Variants in ARHGAP31 observed in about 807,000 individuals in gnomAD.
The protein encoded by ARHGAP31 is rho GTPase-activating protein 31.
A neutral mutation model predicts 113.9 loss-of-function variants in ARHGAP31; 34 were observed. The ratio of observed to expected loss-of-function variants is 0.30; its 90% CI spans 0.23 to 0.40. The LOEUF (loss-of-function observed/expected upper bound fraction) is 0.40, where lower values mean the gene tolerates loss of function less well. ARHGAP31 is among the 10% of genes least tolerant of loss of function. The probability of loss-of-function intolerance (pLI) is 1.00; values close to 1 mark genes in which losing one functional copy is unlikely to be tolerated. For synonymous variants in ARHGAP31, 650 were observed against 684.8 expected, an observed-to-expected ratio of 0.95 and a Z score of 0.79; for missense variants, 1,548 against 1,767.1, an observed-to-expected ratio of 0.88 and a Z score of 2.22.
chr3:119,333,010 T>C (rs1376174888), intron 1 of ARHGAP31, among the ~76,000 whole-genome samples: 1 of 152,234 alleles, frequency 6.6e-6, no homozygotes, highest in African/African-American at 2.4e-5. Context: ...GCTAAATAAC[T>C]TGCCTAAAGT....
rs2080769904 is a variant in ARHGAP31, at chr3:119,415,722, C to G, written c.3793C>G (p.Gln1265Glu). Reference protein sequence around the residue: ...LESSKEEKPKQDPGAIKSSPV... With the variant: ...LESSKEEKPKEDPGAIKSSPV... ...AAGCTCAAAGGAAGAAAAACCAAAG[C>G]AAGATCCCGGAGCCATTAAGTCCTC... is the stretch of plus-strand genomic sequence containing the variant. The change falls in exon 12 of 12, where the codon CAA becomes GAA. Residue 1265 changes from glutamine to glutamate, a missense_variant. Transcript: ENST00000264245. The G allele has an allele frequency of 6.2e-7, 1 of 1,613,998 alleles. No homozygotes were observed. The highest frequency in any genetic ancestry group is 1.1e-5 in the South Asian group (1 of 91,076).
chr3:119,330,011 C>T (rs1357072539), intron 1 of ARHGAP31: 4 of 985,278 alleles, frequency 4.1e-6, no homozygotes, highest in Non-Finnish European at 4.8e-6. Flanking sequence ...TCATCGGTGA[C>T]TCCATTTGCC....
intron 9 of ARHGAP31, among the ~76,000 whole-genome samples, chr3:119,401,372 A>G (rs2080605401): frequency 6.6e-6 from 1 of 152,144 alleles, no homozygotes; most frequent in East Asian, 1.9e-4. Context: ...AACTTAAAAC[A>G]AAAAGTTTTA....
intron 6 of ARHGAP31, among the ~76,000 whole-genome samples, 178 bp downstream of exon 6, chr3:119,383,404 A>G (rs906314281): frequency 7.2e-5 from 11 of 152,140 alleles, no homozygotes; most frequent in Non-Finnish European, 1.3e-4. Flanking sequence ...GTAAATGTGG[A>G]GTGAAGCTAT....
chr3:119,365,863 C>T (rs1160277803), intron 2 of ARHGAP31, among the ~76,000 whole-genome samples: 1 of 152,048 alleles, frequency 6.6e-6, no homozygotes, highest in Admixed American at 6.6e-5. Context: ...GTTGAGAAAT[C>T]AGAAGCCTAT....
intron 1 of ARHGAP31, among the ~76,000 whole-genome samples, chr3:119,313,579 C>G (rs115344098): frequency 0.021 from 3,209 of 152,282 alleles, 89 homozygotes; most frequent in South Asian, 0.064. Context: ...TTCCAGTATT[C>G]GTGAGGGATT....
rs10575145 is a variant in ARHGAP31 at position 119,297,909 on chromosome 3, A to AACACACAC, written c.100+2934_100+2941dup. Among the ~76,000 whole-genome samples the AACACACAC allele has an allele frequency of 2.1e-3, 297 of 142,776 alleles. 3 individuals carry two copies. Among genetic ancestry groups the AACACACAC allele is most frequent in the African/African-American group, 3.4e-3 (130 of 38,362 alleles). The allele number at this position is 142,776 out of a possible 152,430, so 93.7% of individuals were successfully genotyped here. A position where few individuals can be genotyped will look rare whatever the true frequency, so the allele number is the denominator to read the frequency against. ...GAGAAACAGAAACCCTTTCCTTAGA[A>AACACACAC]ACACACACACACACACACACACACA... On this transcript the variant is annotated intron_variant, in intron 1 of 11. Coordinates refer to ENST00000264245, the MANE Select transcript of ARHGAP31 (RefSeq NM_020754.4).
At chr3:119,339,993 G>A (rs1435612199) in intron 1 of ARHGAP31, among the ~76,000 whole-genome samples, 1 of 152,114 alleles carries the variant, frequency 6.6e-6, no homozygotes, top group Admixed American at 6.5e-5. Context: ...ATCAGATATC[G>A]AGAGGAAGAA....
At chr3:119,384,348 A>G (rs1008927466) in intron 6 of ARHGAP31, among the ~76,000 whole-genome samples, 12 of 152,214 alleles carry the variant, frequency 7.9e-5, no homozygotes, top group African/African-American at 2.2e-4. Context: ...TTGTACAACC[A>G]TTACCGCTGT....
At chr3:119,351,621 AG>A (rs202214982) in intron 1 of ARHGAP31, among the ~76,000 whole-genome samples, 17,024 of 151,978 alleles carry the variant, frequency 0.11, 1,040 homozygotes, top group Admixed American at 0.18. Flanking sequence ...AGAAAAAAAA[AG>A]AGAGGTGGCC....
chr3:119,416,085 G>T lies in ARHGAP31; in HGVS notation c.4156G>T (p.Gly1386Cys). 1.2e-6 allele frequency: 2 copies of T among 1,614,178 alleles called. No individual in the cohort carries two copies. Among genetic ancestry groups the T allele is most frequent in the South Asian group, 2.2e-5 (2 of 91,082 alleles). ...IRSPTQTVSP[G>C]LLCGELAENT... Reference sequence around the variant, plus strand: ...AAGTCCCACCCAGACAGTTTCCCCTGGCCTTCTTTGTGGAGAGTTGGCAGA... The same window carrying T: ...AAGTCCCACCCAGACAGTTTCCCCTTGCCTTCTTTGTGGAGAGTTGGCAGA... The change falls in exon 12 of 12, where the codon GGC (glycine) becomes TGC (cysteine). Residue 1386 changes from glycine (G) to cysteine (C), a missense_variant. Gly to Cys is a radical substitution (Grantham distance 159). Transcript: ENST00000264245.
intron 4 of ARHGAP31, among the ~76,000 whole-genome samples, chr3:119,381,644 T>C (rs889757620): frequency 6.6e-6 from 1 of 152,190 alleles, no homozygotes; most frequent in Non-Finnish European, 1.5e-5. Context: ...ATTTCAAAAC[T>C]GCTTGGAGGC....
intron 9 of ARHGAP31, among the ~76,000 whole-genome samples, chr3:119,400,982 C>G (rs2080599549): frequency 6.6e-6 from 1 of 152,070 alleles, no homozygotes; most frequent in Admixed American, 6.6e-5. Flanking sequence ...ACCAGCCTGG[C>G]CAACATGGTG....
intron 1 of ARHGAP31, among the ~76,000 whole-genome samples, chr3:119,345,697 G>A (rs1001889698): frequency 5.3e-5 from 8 of 152,176 alleles, no homozygotes; most frequent in African/African-American, 1.9e-4. Flanking sequence ...TTTATGGAGA[G>A]GGTAGAATAT....
intron 1 of ARHGAP31, among the ~76,000 whole-genome samples, chr3:119,333,807 T>C (rs766348053): frequency 1.3e-5 from 2 of 152,232 alleles, no homozygotes; most frequent in Non-Finnish European, 2.9e-5. Flanking sequence ...GGCTTTCAAT[T>C]ATTACACCTC....
At chr3:119,354,808 C>T (rs527353371) in intron 1 of ARHGAP31, among the ~76,000 whole-genome samples, 1 of 149,770 alleles carries the variant, frequency 6.7e-6, no homozygotes, top group East Asian at 2.0e-4. Context: ...ATTTAATATA[C>T]TGGGGAAGAG....
chr3:119,369,277 G>A (rs558476876), intron 3 of ARHGAP31, among the ~76,000 whole-genome samples: 2 of 152,310 alleles, frequency 1.3e-5, no homozygotes, highest in East Asian at 3.9e-4. Context: ...GGTTCAGTTG[G>A]CAAAGAGGGA....
intron 1 of ARHGAP31, among the ~76,000 whole-genome samples, chr3:119,360,168 T>C (rs1399442412): frequency 6.6e-6 from 1 of 152,230 alleles, no homozygotes; most frequent in Non-Finnish European, 1.5e-5. Flanking sequence ...TAGTCTTTCA[T>C]AGTCTGGCTT....
intron 10 of ARHGAP31, among the ~76,000 whole-genome samples, chr3:119,404,893 G>A (rs2077261859): frequency 6.6e-6 from 1 of 152,204 alleles, no homozygotes. Flanking sequence ...CTCAGCTGGT[G>A]GGGAGAAAGG....
Sources: gnomAD v4.1 joint callset for allele counts (sites outside exome capture counted in the v4.1 genomes callset) on GRCh38, gnomAD v4.1.1 for gene constraint, MANE v1.5 for transcripts, NCBI Gene and HGNC (gene_info 2026-07-23, HGNC 2026-07-21) for gene names.